The following RIMS2 variants were observed in gnomAD, a reference collection of about 807,000 sequenced individuals.
RIMS2 encodes the protein regulating synaptic membrane exocytosis protein 2.
Under a neutral mutation model 174.4 loss-of-function variants are expected in RIMS2, and 59 were observed. The ratio of observed to expected loss-of-function variants is 0.34; its 90% CI spans 0.27 to 0.42. The LOEUF is 0.42. Among genes scored for constraint, RIMS2 ranks in the 10% least tolerant of loss-of-function variants. RIMS2 has a pLI of 1.00. For synonymous variants in RIMS2, 606 were observed against 572.5 expected (o/e 1.06, Z -0.84); for missense variants, 1,620 against 1,666.3 (o/e 0.97, Z 0.48).
rs1473866257 is a variant in RIMS2 at position 103,893,917 on chromosome 8, A to AT, written c.1624+7700dup. ...ACAGCCATGCTGTGGCATTTCATTA[A>AT]TTTTTTATTAACTGTGCACACATTA... On this transcript the variant is annotated intron_variant, in intron 4 of 23. Coordinates refer to ENST00000504942, the Ensembl canonical transcript of RIMS2. Among the ~76,000 whole-genome samples the AT allele has an allele frequency of 2.6e-5, 4 of 152,152 alleles. No individual in the cohort carries two copies. In the East Asian group the frequency reaches 5.8e-4, roughly 22 times the overall value.
At chr8:104,044,818 G>GA (rs1379786763) in intron 19 of RIMS2, among the ~76,000 whole-genome samples, 1 of 151,558 alleles carries the variant, frequency 6.6e-6, no homozygotes, top group East Asian at 1.9e-4. Flanking sequence ...TTGTGTTTTG[G>GA]ATTCTACAAA....
intron 12 of RIMS2, among the ~76,000 whole-genome samples, chr8:103,932,303 T>A (rs2080137550): frequency 6.6e-6 from 1 of 152,106 alleles, no homozygotes; most frequent in Non-Finnish European, 1.5e-5. Flanking sequence ...CAAGGTTGAG[T>A]TGGGTACCAA....
chr8:103,751,655 G>A (rs1343171857), intron 2 of RIMS2, among the ~76,000 whole-genome samples: 1 of 151,374 alleles, frequency 6.6e-6, no homozygotes, highest in East Asian at 2.0e-4. Flanking sequence ...GGTGTGAGAT[G>A]ATATCTCATT....
intron 19 of RIMS2, among the ~76,000 whole-genome samples, chr8:104,184,609 T>G (rs1260615889): frequency 1.3e-5 from 2 of 151,614 alleles, no homozygotes; most frequent in Admixed American, 1.3e-4. Context: ...GTAGGATTTC[T>G]CTTTAGAACT....
intron 4 of RIMS2, among the ~76,000 whole-genome samples, chr8:103,896,501 ATTG>A (rs926831990): frequency 5.3e-5 from 8 of 151,852 alleles, no homozygotes; most frequent in African/African-American, 1.9e-4. Context: ...CAGCCATACA[ATTG>A]TTGTGACCAA....
At chr8:103,798,964 G>C (rs1025066861) in intron 3 of RIMS2, among the ~76,000 whole-genome samples, 1 of 150,644 alleles carries the variant, frequency 6.6e-6, no homozygotes, top group Non-Finnish European at 1.5e-5. Context: ...AGAAGGAGGA[G>C]AGATTCAAAG....
intron 19 of RIMS2, 55 bp downstream of exon 25, chr8:104,148,903 T>C: frequency 6.5e-7 from 1 of 1,537,122 alleles, no homozygotes; most frequent in Non-Finnish European, 8.8e-7. Context: ...TTACAAGATA[T>C]ATTTCTTTTC....
At chr8:104,223,016 T>G (rs1049984322) in intron 19 of RIMS2, among the ~76,000 whole-genome samples, 1 of 152,136 alleles carries the variant, frequency 6.6e-6, no homozygotes, top group Non-Finnish European at 1.5e-5. Context: ...ATTTCAATAT[T>G]TTTTGCCTGT....
chr8:103,944,439 G>A (rs796826530), intron 14 of RIMS2, among the ~76,000 whole-genome samples: 1 of 152,022 alleles, frequency 6.6e-6, no homozygotes, highest in African/African-American at 2.4e-5. Flanking sequence ...AAGTTTATAG[G>A]CTGCTAACAC....
At position 104,125,576 on chromosome 8, in the gene RIMS2, C is replaced by T. The variant is rs115944441; in HGVS notation, c.3334+110961C>T. ...TAAATCATAAAGCTTTAAAAGGATG[C>T]TGTGGCACTATGAATAACATCTCTA... On this transcript the variant is annotated intron_variant, in intron 19 of 23. Transcript: ENST00000504942. 5.4e-4 allele frequency among the ~76,000 whole-genome samples: 82 copies of T among 152,240 alleles called. 1 individual carries two copies. Among genetic ancestry groups the T allele is most frequent in the African/African-American group, 1.9e-3 (77 of 41,560 alleles).
At chr8:103,784,119 G>GT (rs1554822770) in intron 3 of RIMS2, among the ~76,000 whole-genome samples, 1 of 147,866 alleles carries the variant, frequency 6.8e-6, no homozygotes, top group Non-Finnish European at 1.5e-5. Flanking sequence ...GGGGTTGTTT[G>GT]TTTTTTTCTT....
At chr8:103,709,179 A>G (rs1379287920) in intron 2 of RIMS2, among the ~76,000 whole-genome samples, 3 of 152,150 alleles carry the variant, frequency 2.0e-5, no homozygotes, top group Non-Finnish European at 4.4e-5. Flanking sequence ...TTTTATGACT[A>G]GAACTTTAAT....
At chr8:103,764,293 C>G (rs1287208123) in intron 2 of RIMS2, among the ~76,000 whole-genome samples, 1 of 152,224 alleles carries the variant, frequency 6.6e-6, no homozygotes, top group Non-Finnish European at 1.5e-5. Flanking sequence ...TTCTTCAGTA[C>G]TCTGAGTGTG....
At chr8:103,566,443 C>T (rs2092355807) in intron 1 of RIMS2, among the ~76,000 whole-genome samples, 1 of 152,212 alleles carries the variant, frequency 6.6e-6, no homozygotes, top group South Asian at 2.1e-4. Flanking sequence ...ATACCCTTAA[C>T]TCTCAGCTGA....
chr8:104,005,402 G>A (rs1309534578), intron 17 of RIMS2, among the ~76,000 whole-genome samples: 1 of 152,114 alleles, frequency 6.6e-6, no homozygotes, highest in Non-Finnish European at 1.5e-5. Flanking sequence ...TGCAGATGAA[G>A]GCTACAATGG....
chr8:104,041,251 T>G, intron 19 of RIMS2, 75 bp from the exon 22 acceptor site: 1 of 566,114 alleles, frequency 1.8e-6, no homozygotes, highest in South Asian at 2.3e-5. Flanking sequence ...TCAGTGTCAC[T>G]TTTTACCTTT....
intron 10 of RIMS2, among the ~76,000 whole-genome samples, chr8:103,924,339 T>C (rs1312085484): frequency 1.3e-5 from 2 of 151,696 alleles, no homozygotes; most frequent in African/African-American, 2.4e-5. Context: ...CTTCATGTAA[T>C]TTATGAATTT....
At chr8:103,611,269 C>G (rs887788608) in intron 1 of RIMS2, among the ~76,000 whole-genome samples, 1 of 152,008 alleles carries the variant, frequency 6.6e-6, no homozygotes, top group African/African-American at 2.4e-5. Context: ...TCTTATTATA[C>G]TATGTCTTGA....
At chr8:103,536,814 C>A (rs1011131131) in intron 1 of RIMS2, among the ~76,000 whole-genome samples, 1 of 152,092 alleles carries the variant, frequency 6.6e-6, no homozygotes, top group East Asian at 1.9e-4. Flanking sequence ...GATCACAATT[C>A]GATGTGAGAT....
Sources: allele counts gnomAD v4.1 joint callset (sites outside exome capture counted in the v4.1 genomes callset), GRCh38; gene constraint gnomAD v4.1.1; transcripts MANE v1.5; gene names NCBI Gene and HGNC (gene_info 2026-07-23, HGNC 2026-07-21).